The following CNGB3 variants were observed in gnomAD, a reference collection of about 807,000 sequenced individuals.
CNGB3 encodes the protein cyclic nucleotide gated channel subunit beta 3, also known as cyclic nucleotide-gated channel beta-3.
In CNGB3, 86 loss-of-function variants were observed where a neutral mutation model predicts 92.8. The observed-to-expected ratio is 0.93, with a 90% CI of 0.78 to 1.11. The LOEUF (loss-of-function observed/expected upper bound fraction) is 1.11. Ranked by LOEUF, CNGB3 falls within the 50% of genes least tolerant of loss-of-function variation. CNGB3 has a pLI of 0.00. For missense variants in CNGB3, 1,026 were observed against 956.8 expected (o/e 1.07, Z -0.95); for synonymous variants, 333 against 332.7 (o/e 1.00, Z -0.01).
At position 86,739,699 on chromosome 8, in the gene CNGB3, T is replaced by C. The variant is rs762155107; in HGVS notation, c.167A>G (p.Lys56Arg). 5.6e-6 allele frequency: 9 copies of C among 1,613,392 alleles called. No homozygotes were observed. The Admixed American group carries it at 8.3e-5, about 15-fold the overall frequency. ...CTCTTCAGACGTGACTGGAGTTGAC[T>C]TGGTTTTGAGAGATTTCTCTTCACC... ...NKGEEKSLKT[K>R]STPVTSEEPH... The change falls in exon 2 of 18, where the codon AAG becomes AGG. Residue 56 changes from lysine to arginine, a missense_variant. Lys to Arg is a conservative substitution (Grantham distance 26, BLOSUM62 2). Coordinates refer to ENST00000320005, the MANE Select transcript of CNGB3 (RefSeq NM_019098.5).
At chr8:86,582,634 A>G (rs1821811103) in intron 15 of CNGB3, among the ~76,000 whole-genome samples, 1 of 152,224 alleles carries the variant, frequency 6.6e-6, no homozygotes, top group Non-Finnish European at 1.5e-5. Flanking sequence ...GTTGTAGCAG[A>G]TTTTTAAATT....
Position 86,644,700 on chromosome 8 carries a change from CA to C in CNGB3, c.991-15del. The C allele has an allele frequency of 6.7e-7, 1 of 1,482,794 alleles. No homozygotes were observed. The highest frequency in any genetic ancestry group is 1.4e-5 in the African/African-American group (1 of 70,766). The allele number at this position is 1,482,794 out of a possible 1,614,324, so 91.9% of individuals were successfully genotyped here. On this transcript the variant is annotated splice_polypyrimidine_tract_variant and intron_variant, in intron 8 of 17. Coordinates refer to ENST00000320005, the MANE Select transcript of CNGB3 (RefSeq NM_019098.5). ...AAATGAAGTGTACTATATAGAAAAG[CA>C]AAAGAAATCCAAAAGCATGTTAGTC... is the stretch of plus-strand genomic sequence containing the variant.
At chr8:86,614,443 C>T (rs1822576191) in intron 13 of CNGB3, among the ~76,000 whole-genome samples, 1 of 152,106 alleles carries the variant, frequency 6.6e-6, no homozygotes, top group African/African-American at 2.4e-5. Context: ...GGCTTTGGCC[C>T]ATTCTCTCTC....
chr8:86,636,822 A>G (rs1468253427), intron 10 of CNGB3, among the ~76,000 whole-genome samples: 1 of 152,072 alleles, frequency 6.6e-6, no homozygotes, highest in Non-Finnish European at 1.5e-5. Flanking sequence ...GATTCCACAT[A>G]CAAGTGAGGT....
At chr8:86,593,153 A>G (rs1416858068) in intron 15 of CNGB3, among the ~76,000 whole-genome samples, 1 of 152,232 alleles carries the variant, frequency 6.6e-6, no homozygotes, top group Non-Finnish European at 1.5e-5. Context: ...TTACAGATAT[A>G]AAATGCTTAG....
At chr8:86,728,483 C>T (rs1316086882) in intron 2 of CNGB3, among the ~76,000 whole-genome samples, 1 of 152,178 alleles carries the variant, frequency 6.6e-6, no homozygotes, top group Admixed American at 6.5e-5. Flanking sequence ...CCAATCAAAA[C>T]AAAAATCATA....
At chr8:86,714,181 C>CT (rs1357535468) in intron 3 of CNGB3, among the ~76,000 whole-genome samples, 83 of 152,226 alleles carry the variant, frequency 5.5e-4, no homozygotes, top group African/African-American at 1.9e-3. Flanking sequence ...ATTTGTCTTC[C>CT]TAACCCCCCA....
chr8:86,674,711 T>C (rs1239158873), intron 3 of CNGB3, among the ~76,000 whole-genome samples: 1 of 152,208 alleles, frequency 6.6e-6, no homozygotes, highest in African/African-American at 2.4e-5. Context: ...CCTAATTCCA[T>C]GATGAAAGTT....
chr8:86,676,208 A>T (rs952785862), intron 3 of CNGB3, among the ~76,000 whole-genome samples: 1 of 152,330 alleles, frequency 6.6e-6, no homozygotes, highest in Admixed American at 6.5e-5. Context: ...TGGCTGCTTT[A>T]GTATAACATG....
At chr8:86,655,971 T>A (rs904110666) in intron 6 of CNGB3, among the ~76,000 whole-genome samples, 3 of 152,264 alleles carry the variant, frequency 2.0e-5, no homozygotes, top group Non-Finnish European at 2.9e-5. Flanking sequence ...CTGGAAGTTT[T>A]AAACTGCTGC....
chr8:86,701,186 G>C (rs896629710), intron 3 of CNGB3, among the ~76,000 whole-genome samples: 3 of 152,116 alleles, frequency 2.0e-5, no homozygotes, highest in Non-Finnish European at 2.9e-5. Context: ...TATGCACATA[G>C]TAACTATCCC....
intron 11 of CNGB3, among the ~76,000 whole-genome samples, chr8:86,629,828 A>G (rs1822925707): frequency 6.6e-6 from 1 of 152,148 alleles, no homozygotes; most frequent in Non-Finnish European, 1.5e-5. Flanking sequence ...GCTGATCTTT[A>G]AGGTCTCAGC....
chr8:86,650,100 G>A (rs1039914486), intron 7 of CNGB3, among the ~76,000 whole-genome samples: 1 of 151,394 alleles, frequency 6.6e-6, no homozygotes, highest in South Asian at 2.1e-4. Flanking sequence ...TTACTCTACA[G>A]GTATTGATCT....
chr8:86,644,551 G>A, intron 9 of CNGB3, 71 bp downstream of exon 9: 1 of 1,565,644 alleles, frequency 6.4e-7, no homozygotes, highest in African/African-American at 1.4e-5. Context: ...TCATATCCCT[G>A]CCAAATTCCG....
intron 13 of CNGB3, among the ~76,000 whole-genome samples, chr8:86,617,157 G>T (rs16916164): frequency 0.025 from 3,873 of 152,240 alleles, 93 homozygotes; most frequent in East Asian, 0.072. Flanking sequence ...GTTAGATGGT[G>T]GTTCTTGTAC....
At position 86,603,648 on chromosome 8, in the gene CNGB3, T is replaced by A. The variant is rs1039714652; in HGVS notation, c.1781+445A>T. 4.6e-5 allele frequency among the ~76,000 whole-genome samples: 7 copies of A among 152,112 alleles called. 1 individual carries two copies. Among genetic ancestry groups the A allele is most frequent in the Admixed American group, 4.6e-4 (7 of 15,264 alleles). On this transcript the variant is annotated intron_variant, in intron 15 of 17. Coordinates refer to ENST00000320005, the MANE Select transcript of CNGB3 (RefSeq NM_019098.5). ...GAAACTGAGGAACAGTGGGGACAAG[T>A]AACAGAGGAAAAAAGCCAGTAGTGG...
intron 3 of CNGB3, among the ~76,000 whole-genome samples, chr8:86,692,309 G>A (rs963052655): frequency 1.3e-5 from 2 of 152,062 alleles, no homozygotes; most frequent in South Asian, 4.2e-4. Flanking sequence ...ACCTGTCTAG[G>A]GCTGTCAGTA....
chr8:86,578,727 C>G lies in CNGB3; in HGVS notation c.2065G>C (p.Ala689Pro). 1 of 1,614,122 alleles carries G rather than the reference C, an allele frequency of 6.2e-7. No individual in the cohort carries two copies. The highest frequency in any genetic ancestry group is 8.5e-7 in the Non-Finnish European group (1 of 1,180,028). The change falls in exon 17 of 18, where the codon GCA becomes CCA. Residue 689 changes from alanine to proline, a missense_variant. Transcript: ENST00000320005. ...TCTCGCTTCAATTTGAGTAGTCTTG[C>G]AAGACTTGCTTTTCCTGTGCCTCCT... ...LLGGTGKASL[A>P]RLLKLKREQA...
intron 15 of CNGB3, among the ~76,000 whole-genome samples, chr8:86,590,039 T>G (rs909567321): frequency 6.7e-6 from 1 of 149,752 alleles, no homozygotes; most frequent in African/African-American, 2.5e-5. Context: ...TGGGTGCATA[T>G]ATATTTAGGA....
Sources: gnomAD v4.1 joint callset for allele counts (sites outside exome capture counted in the v4.1 genomes callset) on GRCh38, gnomAD v4.1.1 for gene constraint, MANE v1.5 for transcripts, NCBI Gene and HGNC (gene_info 2026-07-23, HGNC 2026-07-21) for gene names.